SCHIP1: variants seen among roughly 807,000 people sequenced by gnomAD.
SCHIP1 encodes the protein schwannomin interacting protein 1.
SCHIP1 carries 8 observed loss-of-function variants against 29.7 expected under a neutral mutation model. The ratio of observed to expected loss-of-function variants is 0.27; its 90% CI spans 0.16 to 0.49. The LOEUF (loss-of-function observed/expected upper bound fraction) is 0.49. Ranked by LOEUF, SCHIP1 falls within the 20% of genes least tolerant of loss-of-function variation. The probability of loss-of-function intolerance (pLI) is 0.99; values close to 1 mark genes in which losing one functional copy is unlikely to be tolerated. For synonymous variants in SCHIP1, 76 were observed against 94.9 expected (o/e 0.80, Z 1.16); for missense variants, 193 against 294.6 (o/e 0.66, Z 2.52).
the SCHIP1 span, among the ~76,000 whole-genome samples, chr3:159,423,266 CGG>C: frequency 6.6e-6 from 1 of 152,206 alleles, no homozygotes; most frequent in Non-Finnish European, 1.5e-5. Context: ...TTGCCTCACT[CGG>C]GAAGCTCAAG....
chr3:159,835,596 A>G (rs1462898086), upstream of SCHIP1, among the ~76,000 whole-genome samples: 1 of 152,342 alleles, frequency 6.6e-6, no homozygotes, highest in Non-Finnish European at 1.5e-5. Context: ...CATATCATCA[A>G]TTTGAGTTCA....
At chr3:159,543,464 G>A in the SCHIP1 span, among the ~76,000 whole-genome samples, 12 of 146,882 alleles carry the variant, frequency 8.2e-5, no homozygotes, top group South Asian at 4.3e-4. Context: ...GAGAACAAGC[G>A]GTGTTTGGTT....
chr3:159,591,123 T>G, the SCHIP1 span, among the ~76,000 whole-genome samples: 8 of 152,220 alleles, frequency 5.3e-5, no homozygotes, highest in African/African-American at 1.9e-4. Context: ...CCAAATGATA[T>G]TCTGAACTTT....
At chr3:159,810,519 A>G in the SCHIP1 span, among the ~76,000 whole-genome samples, 5 of 152,246 alleles carry the variant, frequency 3.3e-5, no homozygotes, top group Non-Finnish European at 7.3e-5. Flanking sequence ...CACTGTCTTT[A>G]TAAATCTGCC....
At chr3:159,319,829 A>T in the SCHIP1 span, among the ~76,000 whole-genome samples, 1 of 152,148 alleles carries the variant, frequency 6.6e-6, no homozygotes, top group Non-Finnish European at 1.5e-5. Context: ...CCTCATTTGA[A>T]TCTGTCAAGC....
chr3:159,295,758 T>A, the SCHIP1 span, among the ~76,000 whole-genome samples: 1 of 152,222 alleles, frequency 6.6e-6, no homozygotes, highest in Non-Finnish European at 1.5e-5. Flanking sequence ...TATGCTTATG[T>A]GTTTTCTTCT....
At chr3:159,866,326 T>G in intron 2 of SCHIP1, 45 bp downstream of exon 3, 1 of 1,537,374 alleles carries the variant, frequency 6.5e-7, no homozygotes, top group Non-Finnish European at 8.9e-7. Context: ...ACACAGTGGA[T>G]TCTGTCACTT....
the SCHIP1 span, among the ~76,000 whole-genome samples, chr3:159,557,303 G>A: frequency 6.6e-6 from 1 of 152,080 alleles, no homozygotes; most frequent in African/African-American, 2.4e-5. Context: ...TTTTATAATT[G>A]TATTTTTAAA....
chr3:159,274,806 T>C, the SCHIP1 span: 1 of 655,606 alleles, frequency 1.5e-6, no homozygotes, highest in African/African-American at 2.0e-5. Flanking sequence ...TTGGAACATT[T>C]ATTTATGCAG....
chr3:159,605,447 A>C, the SCHIP1 span, among the ~76,000 whole-genome samples: 1 of 152,198 alleles, frequency 6.6e-6, no homozygotes, highest in South Asian at 2.1e-4. Context: ...AGAATTGGAA[A>C]GAAATGTAGA....
the SCHIP1 span, among the ~76,000 whole-genome samples, chr3:159,317,742 G>A: frequency 7.9e-5 from 12 of 152,188 alleles, no homozygotes; most frequent in Admixed American, 7.2e-4. Flanking sequence ...TGAGTGCCTT[G>A]GTCAGAGACA....
chr3:159,610,679 C>A, the SCHIP1 span, among the ~76,000 whole-genome samples: 1 of 152,096 alleles, frequency 6.6e-6, no homozygotes, highest in Non-Finnish European at 1.5e-5. Flanking sequence ...TTGCTCCCTG[C>A]TATCATTAGC....
the SCHIP1 span, among the ~76,000 whole-genome samples, chr3:159,625,249 C>T: frequency 6.6e-5 from 10 of 152,114 alleles, no homozygotes; most frequent in Non-Finnish European, 1.3e-4. Context: ...TCTGCATTTC[C>T]TCATCTGTAA....
chr3:159,738,354 A>T, the SCHIP1 span, among the ~76,000 whole-genome samples: 2 of 152,182 alleles, frequency 1.3e-5, no homozygotes, highest in African/African-American at 4.8e-5. Context: ...TGTTAATTAT[A>T]GTCTTTGCAT....
chr3:159,888,101 T>C, intron 4 of SCHIP1, 196 bp downstream of exon 5: 1 of 746,986 alleles, frequency 1.3e-6, no homozygotes, highest in Non-Finnish European at 2.1e-6. Flanking sequence ...AGCAATAGAT[T>C]TCACAAAAGT....
the SCHIP1 span, among the ~76,000 whole-genome samples, chr3:159,831,214 G>A: frequency 0.074 from 11,210 of 152,232 alleles, 458 homozygotes; most frequent in South Asian, 0.2. Flanking sequence ...ATGAATGAGG[G>A]CCTCATGTGG....
the SCHIP1 span, among the ~76,000 whole-genome samples, chr3:159,645,378 C>T: frequency 6.6e-6 from 1 of 152,150 alleles, no homozygotes; most frequent in African/African-American, 2.4e-5. Context: ...ACATCGACTC[C>T]TGCAAGAACA....
chr3:159,881,726 C>A (rs1304883859), intron 2 of SCHIP1, among the ~76,000 whole-genome samples: 1 of 152,216 alleles, frequency 6.6e-6, no homozygotes, highest in East Asian at 1.9e-4. Context: ...CCTATTGCCA[C>A]AATGATGATG....
At chr3:159,844,400 T>G (rs371394707) in intron 1 of SCHIP1, among the ~76,000 whole-genome samples, 6 of 135,624 alleles carry the variant, frequency 4.4e-5, no homozygotes, top group African/African-American at 2.3e-4. Context: ...TTTTCATGGT[T>G]GTTTGTTTTG....
Sources: allele counts gnomAD v4.1 joint callset (sites outside exome capture counted in the v4.1 genomes callset), GRCh38; gene constraint gnomAD v4.1.1; transcripts MANE v1.5; gene names NCBI Gene and HGNC (gene_info 2026-07-23, HGNC 2026-07-21).